PRH1: variants seen among roughly 807,000 people sequenced by gnomAD.
PRH1 encodes proline rich protein HaeIII subfamily 1.
A neutral mutation model predicts 7.9 loss-of-function variants in PRH1; 7 were observed. That is an observed-to-expected ratio of 0.89 (90% confidence interval 0.50 to 1.67). The LOEUF is 1.67. Ranked by LOEUF, PRH1 falls within the 40% of genes most tolerant of loss-of-function variation. The probability of loss-of-function intolerance (pLI) is 0.00; values close to 1 mark genes in which losing one functional copy is unlikely to be tolerated. For synonymous variants in PRH1, 45 were observed against 80.8 expected, an observed-to-expected ratio of 0.56 and a Z score of 2.38; for missense variants, 109 against 223.6, an observed-to-expected ratio of 0.49 and a Z score of 3.27.
At chr12:11,155,924 A>C (rs1947233945) in intron 1 of PRH1, among the ~76,000 whole-genome samples, 1 of 152,194 alleles carries the variant, frequency 6.6e-6, no homozygotes, top group African/African-American at 2.4e-5. Flanking sequence ...ATAATAATTA[A>C]ACTAAATTTA....
intron 1 of PRH1, among the ~76,000 whole-genome samples, chr12:11,064,178 T>C (rs901059732): frequency 6.6e-6 from 1 of 152,142 alleles, no homozygotes; most frequent in African/African-American, 2.4e-5. Context: ...GGTGATTATT[T>C]CCTTAATTTT....
chr12:10,986,714 A>T (rs896262494), intron 1 of PRH1: 2 of 1,613,400 alleles, frequency 1.2e-6, no homozygotes, highest in Non-Finnish European at 1.7e-6. Flanking sequence ...CCGCCAGAGC[A>T]GTGAGAATTT....
At chr12:11,154,776 G>T (rs1466656069) in intron 1 of PRH1, among the ~76,000 whole-genome samples, 2 of 152,144 alleles carry the variant, frequency 1.3e-5, no homozygotes, top group Non-Finnish European at 1.5e-5. Flanking sequence ...TTTAAAAATT[G>T]CATTTCTTCT....
intron 2 of PRH1, among the ~76,000 whole-genome samples, chr12:10,935,231 G>A (rs769033216): frequency 6.6e-6 from 1 of 151,966 alleles, no homozygotes; most frequent in Non-Finnish European, 1.5e-5. Context: ...CTGTCTTTTT[G>A]GCAATAAGAA....
rs746626160 is a variant in PRH1 at position 10,973,689 on chromosome 12, G to T, written c.-93C>A. On this transcript the variant is annotated 5_prime_UTR_variant, in exon 2 of 4. Coordinates refer to the PRH1 transcript ENST00000539853. ...CTTCCACTCTTGAGTAGATACAGCA[G>T]GTTCCAGCAGGCAAAATATTCTTCT... 6.4e-6 allele frequency: 5 copies of T among 780,136 alleles called. No homozygotes were observed. In the Admixed American group the frequency reaches 6.8e-5, roughly 11 times the overall value. 48.3% of individuals were successfully genotyped at this position (780,136 alleles called of 1,614,324 possible). A position where few individuals can be genotyped will look rare whatever the true frequency, so the allele number is the denominator to read the frequency against.
intron 1 of PRH1, among the ~76,000 whole-genome samples, chr12:11,109,314 TCTGCTAAAGGA>T (rs1281872250): frequency 2.0e-5 from 3 of 152,162 alleles, no homozygotes; most frequent in African/African-American, 7.2e-5. Flanking sequence ...GCACTTGAGC[TCTGCTAAAGGA>T]CAGAGTGCCT....
intron 1 of PRH1, chr12:11,097,226 C>A: frequency 3.9e-6 from 1 of 259,542 alleles, no homozygotes. Context: ...GACTTTAAGT[C>A]CCATGGAAAC....
chr12:11,135,861 T>A (rs1470967603), intron 1 of PRH1, among the ~76,000 whole-genome samples: 2 of 152,184 alleles, frequency 1.3e-5, no homozygotes, highest in African/African-American at 4.8e-5. Flanking sequence ...ATAGTTTATT[T>A]TTCCCCTCAG....
chr12:11,169,514 G>A (rs560494477), intron 1 of PRH1, among the ~76,000 whole-genome samples: 1 of 152,294 alleles, frequency 6.6e-6, no homozygotes, highest in East Asian at 1.9e-4. Flanking sequence ...TGGAAGATAA[G>A]GTTTTCATGG....
chr12:10,912,683 A>G (rs1275233395), intron 2 of PRH1, among the ~76,000 whole-genome samples: 1 of 151,960 alleles, frequency 6.6e-6, no homozygotes, highest in Non-Finnish European at 1.5e-5. Flanking sequence ...AGGTTTTACT[A>G]TATTTTATTA....
chr12:11,094,009 G>C lies in PRH1; in HGVS notation n.124-46821C>G, dbSNP rs1215662897. 1.5e-4 allele frequency among the ~76,000 whole-genome samples: 17 copies of C among 114,250 alleles called. 6 individuals carry two copies. The highest frequency in any genetic ancestry group is 3.5e-4 in the African/African-American group (12 of 33,814). The allele number at this position is 114,250 out of a possible 152,430, so 75.0% of individuals were successfully genotyped here. A position where few individuals can be genotyped will look rare whatever the true frequency, so the allele number is the denominator to read the frequency against. On this transcript the variant is annotated intron_variant and non_coding_transcript_variant, in intron 1 of 4. Coordinates refer to the PRH1 transcript ENST00000541977. ...CAGAATTTGGCCCATCTCAAATCAC[G>C]ACAGCCATCCACCAAACCTGGCTTA... is the stretch of plus-strand genomic sequence containing the variant.
At chr12:11,133,321 G>A (rs369010511) in intron 1 of PRH1, 31 of 1,613,518 alleles carry the variant, frequency 1.9e-5, no homozygotes, top group Non-Finnish European at 2.5e-5. Flanking sequence ...TGAATCTATG[G>A]AGACGAAGGC....
At chr12:11,028,981 T>G (rs545611414) in intron 1 of PRH1, among the ~76,000 whole-genome samples, 1 of 152,416 alleles carries the variant, frequency 6.6e-6, no homozygotes, top group Non-Finnish European at 1.5e-5. Flanking sequence ...TAGCCACCCA[T>G]TTATTTGTTC....
At chr12:11,015,943 C>G (rs1316873423) in intron 1 of PRH1, among the ~76,000 whole-genome samples, 1 of 97,338 alleles carries the variant, frequency 1.0e-5, no homozygotes, top group Non-Finnish European at 2.4e-5. Flanking sequence ...GCACGTTCTT[C>G]TAACTATGTG....
rs142634657 is a variant in PRH1, at chr12:10,968,349, TC to T, written c.-59+5305del. Among the ~76,000 whole-genome samples the T allele has an allele frequency of 6.7e-3, 1,022 of 152,308 alleles. 22 individuals are homozygous for T. Among genetic ancestry groups the T allele is most frequent in the African/African-American group, 0.024 (988 of 41,566 alleles). On this transcript the variant is annotated intron_variant, in intron 2 of 3. Transcript: ENST00000539853. ...TAATGTAACTTGCCCATAATGATAT[TC>T]TTTATTTAAATTACGTAGGCATTAT...
Position 11,077,169 on chromosome 12 carries a change from T to C in PRH1, n.124-29981A>G, listed in dbSNP as rs1207835312. Reference sequence around the variant, plus strand: ...ATACACATGCACACATATACAACCATATATATATGTAAGACTTTTATAGAT... The same window carrying C: ...ATACACATGCACACATATACAACCACATATATATGTAAGACTTTTATAGAT... On this transcript the variant is annotated intron_variant and non_coding_transcript_variant, in intron 1 of 4. Transcript: ENST00000541977. 2.5e-4 allele frequency: 33 copies of C among 132,312 alleles called. 12 individuals are homozygous for C. Among genetic ancestry groups the C allele is most frequent in the Admixed American group, 2.4e-3 (32 of 13,080 alleles). 8.2% of individuals were successfully genotyped at this position (132,312 alleles called of 1,614,324 possible).
intron 1 of PRH1, chr12:11,133,145 C>T (rs200360719): frequency 4.4e-6 from 4 of 905,092 alleles, no homozygotes; most frequent in Admixed American, 3.6e-5. Context: ...ACACACACAT[C>T]TATATATATG....
intron 1 of PRH1, among the ~76,000 whole-genome samples, chr12:11,071,204 G>T (rs1944051901): frequency 1.3e-5 from 2 of 151,376 alleles, no homozygotes. Context: ...CCAGGAAGTG[G>T]ACCAGGAAAT....
intron 2 of PRH1, chr12:10,938,455 A>G (rs1405045128): frequency 6.2e-7 from 1 of 1,614,056 alleles, no homozygotes. Flanking sequence ...CAGAGGTCCA[A>G]ACTGATATGA....
Sources: gnomAD v4.1 joint callset for allele counts (sites outside exome capture counted in the v4.1 genomes callset) on GRCh38, gnomAD v4.1.1 for gene constraint, MANE v1.5 for transcripts, NCBI Gene and HGNC (gene_info 2026-07-23, HGNC 2026-07-21) for gene names.